PTPRR: variants seen among roughly 807,000 people sequenced by gnomAD.
PTPRR encodes the protein protein tyrosine phosphatase receptor type R.
PTPRR carries 38 observed loss-of-function variants against 77.2 expected under a neutral mutation model. The ratio of observed to expected loss-of-function variants is 0.49; its 90% CI spans 0.38 to 0.65. The LOEUF is 0.65. Among genes scored for constraint, PTPRR ranks in the 30% least tolerant of loss-of-function variants. The pLI is 0.00. For synonymous variants in PTPRR, 299 were observed against 283.1 expected (o/e 1.06, Z -0.57); for missense variants, 744 against 799.2 (o/e 0.93, Z 0.83).
chr12:70,710,860 C>T (rs952013482), intron 6 of PTPRR, among the ~76,000 whole-genome samples: 5 of 152,094 alleles, frequency 3.3e-5, no homozygotes, highest in Admixed American at 6.6e-5. Flanking sequence ...TACCCTCTCA[C>T]ACCAGTTAGA....
intron 12 of PTPRR, among the ~76,000 whole-genome samples, chr12:70,657,740 C>T (rs1266897421): frequency 6.6e-6 from 1 of 152,142 alleles, no homozygotes; most frequent in Non-Finnish European, 1.5e-5. Context: ...AGTTTTCCAG[C>T]CTAGAAGTCT....
intron 6 of PTPRR, among the ~76,000 whole-genome samples, chr12:70,737,743 A>T (rs1889919808): frequency 6.6e-6 from 1 of 152,130 alleles, no homozygotes; most frequent in Admixed American, 6.5e-5. Flanking sequence ...GGTTGGTCTC[A>T]AACTCCTGGC....
intron 1 of PTPRR, among the ~76,000 whole-genome samples, chr12:70,900,991 T>A (rs1194060063): frequency 6.6e-6 from 1 of 151,566 alleles, no homozygotes; most frequent in East Asian, 1.9e-4. Flanking sequence ...AATTTTGGAT[T>A]TTTTTGGATT....
chr12:70,890,974 T>G (rs1893325556), intron 2 of PTPRR, among the ~76,000 whole-genome samples: 1 of 152,072 alleles, frequency 6.6e-6, no homozygotes, highest in Admixed American at 6.6e-5. Flanking sequence ...GCCTCCCCAG[T>G]TTTGCTGCTA....
chr12:70,667,852 C>G (rs1445731087), intron 10 of PTPRR, among the ~76,000 whole-genome samples: 1 of 151,954 alleles, frequency 6.6e-6, no homozygotes, highest in Non-Finnish European at 1.5e-5. Context: ...TGGATAGACC[C>G]TCTGGTTGTG....
intron 8 of PTPRR, among the ~76,000 whole-genome samples, chr12:70,695,768 C>T (rs1888209951): frequency 1.3e-5 from 2 of 152,066 alleles, no homozygotes; most frequent in Admixed American, 1.3e-4. Flanking sequence ...AGAGAAAACA[C>T]AAATTCTAAC....
At chr12:70,821,821 C>T (rs553972304) in intron 2 of PTPRR, among the ~76,000 whole-genome samples, 142 of 152,144 alleles carry the variant, frequency 9.3e-4, no homozygotes, top group African/African-American at 2.5e-3. Context: ...CCCGCCACCA[C>T]GCCTGCCTAA....
chr12:70,791,789 A>G (rs1279431691), intron 2 of PTPRR, among the ~76,000 whole-genome samples: 2 of 152,204 alleles, frequency 1.3e-5, no homozygotes, highest in Non-Finnish European at 2.9e-5. Context: ...AAAATGTAAA[A>G]TAGTTGTGGG....
chr12:70,727,221 G>A (rs934480881), intron 6 of PTPRR, among the ~76,000 whole-genome samples: 3 of 142,128 alleles, frequency 2.1e-5, no homozygotes, highest in African/African-American at 7.3e-5. Flanking sequence ...TCCTAGTCCC[G>A]ATTTTTTTTT....
chr12:70,762,508 TAA>T (rs1890716139), intron 3 of PTPRR, among the ~76,000 whole-genome samples: 1 of 152,208 alleles, frequency 6.6e-6, no homozygotes, highest in African/African-American at 2.4e-5. Context: ...AGCAAGCCAG[TAA>T]AAGTTTTTTC....
chr12:70,901,685 T>C (rs1338189810), intron 1 of PTPRR, among the ~76,000 whole-genome samples: 2 of 151,688 alleles, frequency 1.3e-5, no homozygotes, highest in African/African-American at 4.8e-5. Context: ...CTTCTAGATA[T>C]TGTCTTAGGC....
chr12:70,759,195 C>G (rs1890631228), intron 4 of PTPRR, among the ~76,000 whole-genome samples: 1 of 152,146 alleles, frequency 6.6e-6, no homozygotes, highest in Non-Finnish European at 1.5e-5. Flanking sequence ...CTTGACCTCC[C>G]AAAGTGCTGG....
intron 2 of PTPRR, among the ~76,000 whole-genome samples, chr12:70,884,353 G>A (rs1254446674): frequency 6.6e-6 from 1 of 151,958 alleles, no homozygotes; most frequent in Non-Finnish European, 1.5e-5. Context: ...TGATTTACAG[G>A]CACTTATGAT....
intron 1 of PTPRR, among the ~76,000 whole-genome samples, chr12:70,908,115 G>A (rs1893649008): frequency 2.0e-5 from 3 of 151,972 alleles, no homozygotes; most frequent in Admixed American, 1.3e-4. Flanking sequence ...CTTAAAAACT[G>A]GGCTCCAATT....
rs747115087 is a variant in PTPRR, at chr12:70,745,809, A to C, written c.1007+9T>G. On this transcript the variant is annotated intron_variant, in intron 6 of 13. Transcript: ENST00000283228. Reference sequence around the variant, plus strand: ...AGCCACACGTAGGGTATACAGAACAAGCTCTTACCTCTCTTGAAGTCCTAT... The same window carrying C: ...AGCCACACGTAGGGTATACAGAACACGCTCTTACCTCTCTTGAAGTCCTAT... 2 of 1,613,414 alleles carry C rather than the reference A, an allele frequency of 1.2e-6. No homozygotes were observed.
intron 10 of PTPRR, among the ~76,000 whole-genome samples, chr12:70,665,536 C>T (rs1201434030): frequency 6.6e-6 from 1 of 151,622 alleles, no homozygotes; most frequent in Non-Finnish European, 1.5e-5. Context: ...TGTGCACCAT[C>T]ACGCCCAGCT....
chr12:70,895,232 G>A (rs1332016765), intron 1 of PTPRR, among the ~76,000 whole-genome samples: 1 of 151,582 alleles, frequency 6.6e-6, no homozygotes, highest in Non-Finnish European at 1.5e-5. Flanking sequence ...GAAAAAAGCA[G>A]CTTAGAAGAT....
intron 5 of PTPRR, among the ~76,000 whole-genome samples, chr12:70,748,377 G>A (rs74101575): frequency 2.6e-5 from 4 of 152,116 alleles, no homozygotes; most frequent in Non-Finnish European, 4.4e-5. Context: ...TCTCTGCACA[G>A]ATTGAGATCT....
At chr12:70,919,741 A>C (rs903397917) in intron 1 of PTPRR, among the ~76,000 whole-genome samples, 1 of 144,118 alleles carries the variant, frequency 6.9e-6, no homozygotes, top group Admixed American at 7.2e-5. Context: ...GTGCTGAAAG[A>C]GACAAGAGGA....
Sources: allele counts gnomAD v4.1 joint callset (sites outside exome capture counted in the v4.1 genomes callset), GRCh38; gene constraint gnomAD v4.1.1; transcripts MANE v1.5; gene names NCBI Gene and HGNC (gene_info 2026-07-23, HGNC 2026-07-21).